The following KCNJ6 variants were observed in gnomAD, a reference collection of about 807,000 sequenced individuals.
KCNJ6 encodes the protein potassium inwardly rectifying channel subfamily J member 6, also known as G protein-activated inward rectifier potassium channel 2.
KCNJ6 carries 9 observed loss-of-function variants against 34.2 expected under a neutral mutation model. That is an observed-to-expected ratio of 0.26 (90% CI 0.16 to 0.46). KCNJ6 has a LOEUF of 0.46. Among genes scored for constraint, KCNJ6 ranks in the 20% least tolerant of loss-of-function variants. The pLI is 1.00. For missense variants in KCNJ6, 236 were observed against 531.3 expected, an observed-to-expected ratio of 0.44 and a Z score of 5.46; for synonymous variants, 196 against 207.1, an observed-to-expected ratio of 0.95 and a Z score of 0.46.
At chr21:37,864,871 CTTTT>C (rs67735635) in intron 1 of KCNJ6, among the ~76,000 whole-genome samples, 16 of 142,782 alleles carry the variant, frequency 1.1e-4, no homozygotes, top group Non-Finnish European at 1.7e-4. Flanking sequence ...GTCTCTCTCT[CTTTT>C]TTTTTTTTTT....
chr21:37,781,770 A>T (rs929171932), intron 2 of KCNJ6, among the ~76,000 whole-genome samples: 7 of 152,132 alleles, frequency 4.6e-5, no homozygotes, highest in African/African-American at 7.2e-5. Flanking sequence ...CTTTCCCTCA[A>T]CTATGTAACC....
At chr21:37,757,716 G>A (rs922862924) in intron 2 of KCNJ6, among the ~76,000 whole-genome samples, 2 of 151,890 alleles carry the variant, frequency 1.3e-5, no homozygotes, top group Non-Finnish European at 2.9e-5. Flanking sequence ...CCCGGAGTGA[G>A]CACTCCCTCA....
chr21:37,809,075 CAT>C (rs1310217077), intron 2 of KCNJ6, among the ~76,000 whole-genome samples: 5 of 152,194 alleles, frequency 3.3e-5, no homozygotes, highest in South Asian at 4.1e-4. Flanking sequence ...CACATGCACA[CAT>C]ATGTTTATTG....
At chr21:37,871,431 C>A (rs984288703) in intron 1 of KCNJ6, among the ~76,000 whole-genome samples, 2 of 152,210 alleles carry the variant, frequency 1.3e-5, no homozygotes, top group African/African-American at 4.8e-5. Context: ...AGACCCTGTA[C>A]ACCTCCCACC....
intron 2 of KCNJ6, among the ~76,000 whole-genome samples, chr21:37,819,459 G>T (rs966175220): frequency 6.6e-6 from 1 of 151,978 alleles, no homozygotes; most frequent in Non-Finnish European, 1.5e-5. Context: ...CTTGGAGATT[G>T]AAATTCCATC....
intron 1 of KCNJ6, among the ~76,000 whole-genome samples, chr21:37,867,596 AAAC>A (rs1242952159): frequency 2.0e-5 from 3 of 152,208 alleles, no homozygotes; most frequent in African/African-American, 7.2e-5. Context: ...CTGCTTCCAA[AAAC>A]AACAATTGAA....
chr21:37,653,778 G>A (rs562976355), intron 3 of KCNJ6, among the ~76,000 whole-genome samples: 1 of 152,262 alleles, frequency 6.6e-6, no homozygotes, highest in East Asian at 1.9e-4. Flanking sequence ...GATGTACTAT[G>A]TTCCATTCTT....
chr21:37,884,974 G>A (rs2055728157), intron 1 of KCNJ6, among the ~76,000 whole-genome samples: 1 of 152,200 alleles, frequency 6.6e-6, no homozygotes, highest in African/African-American at 2.4e-5. Flanking sequence ...AGAGCTTCTT[G>A]TTCTCAGAGA....
intron 3 of KCNJ6, among the ~76,000 whole-genome samples, chr21:37,628,063 A>C (rs2835846): frequency 0.41 from 62,506 of 151,966 alleles, 13,016 homozygotes; most frequent in Admixed American, 0.5. Flanking sequence ...AAGGAGGGAG[A>C]ATCTGATTTT....
intron 2 of KCNJ6, among the ~76,000 whole-genome samples, chr21:37,794,687 T>A (rs2055232651): frequency 6.6e-6 from 1 of 151,548 alleles, no homozygotes; most frequent in South Asian, 2.1e-4. Flanking sequence ...TGAGAACACT[T>A]GGACACAGGG....
chr21:37,771,555 A>G (rs2123503883), intron 2 of KCNJ6, among the ~76,000 whole-genome samples: 1 of 152,238 alleles, frequency 6.6e-6, no homozygotes, highest in South Asian at 2.1e-4. Flanking sequence ...ACTTGAGCTG[A>G]CTTTCTAGTG....
chr21:37,782,039 C>T (rs1468376762), intron 2 of KCNJ6, among the ~76,000 whole-genome samples: 1 of 152,028 alleles, frequency 6.6e-6, no homozygotes, highest in Non-Finnish European at 1.5e-5. Flanking sequence ...CCGGGATTAC[C>T]CAAGTGGGCC....
chr21:37,617,190 T>TTCCA lies in KCNJ6; in HGVS notation c.*7968_*7969insTGGA, dbSNP rs2054275203. Reference sequence around the variant, plus strand: ...CTTTTTTCCTTCCTTCCTTCCTTCCTTCCTTCCTTCCTTCCTTCCTTCCTT... The same window carrying TTCCA: ...CTTTTTTCCTTCCTTCCTTCCTTCCTTCCATCCTTCCTTCCTTCCTTCCTTCCTT... On this transcript the variant is annotated 3_prime_UTR_variant, in exon 4 of 4. Coordinates refer to ENST00000609713, the MANE Select transcript of KCNJ6 (RefSeq NM_002240.5). The TTCCA allele has an allele frequency of 7.2e-6, 1 of 139,686 alleles. No individual in the cohort carries two copies. Among genetic ancestry groups the TTCCA allele is most frequent in the Non-Finnish European group, 1.5e-5 (1 of 65,960 alleles). The allele number at this position is 139,686 out of a possible 1,614,324, so 8.7% of individuals were successfully genotyped here. A position where few individuals can be genotyped will look rare whatever the true frequency, so the allele number is the denominator to read the frequency against.
chr21:37,705,278 C>T (rs2123441401), intron 3 of KCNJ6, among the ~76,000 whole-genome samples: 1 of 152,270 alleles, frequency 6.6e-6, no homozygotes, highest in South Asian at 2.1e-4. Flanking sequence ...AAGGGGCAGC[C>T]CTGAGACTGC....
At chr21:37,649,920 A>ATTTTTTT (rs10597774) in intron 3 of KCNJ6, among the ~76,000 whole-genome samples, 79 of 143,970 alleles carry the variant, frequency 5.5e-4, no homozygotes, top group East Asian at 2.4e-3. Flanking sequence ...CACCCAGCTA[A>ATTTTTTT]TTTTTTTTTT....
At chr21:37,858,505 A>G (rs2055577000) in intron 1 of KCNJ6, among the ~76,000 whole-genome samples, 1 of 151,898 alleles carries the variant, frequency 6.6e-6, no homozygotes, top group South Asian at 2.1e-4. Flanking sequence ...ACTGATATAT[A>G]TCCTAATATA....
chr21:37,654,663 C>T (rs2054449520), intron 3 of KCNJ6, among the ~76,000 whole-genome samples: 1 of 152,152 alleles, frequency 6.6e-6, no homozygotes, highest in Admixed American at 6.5e-5. Flanking sequence ...AAGCAGCAGG[C>T]AGGGGTGGTT....
intron 2 of KCNJ6, among the ~76,000 whole-genome samples, chr21:37,731,125 GTGTT>G (rs1029966035): frequency 1.3e-5 from 2 of 150,048 alleles, no homozygotes; most frequent in African/African-American, 5.0e-5. Flanking sequence ...GTGTGTGTGT[GTGTT>G]TGTGTGCCTG....
chr21:37,808,672 C>T (rs144296658), intron 2 of KCNJ6, among the ~76,000 whole-genome samples: 3 of 152,174 alleles, frequency 2.0e-5, no homozygotes, highest in South Asian at 2.1e-4. Context: ...TTCCATTCTC[C>T]GGTCTTATGG....
Sources: allele counts gnomAD v4.1 joint callset (sites outside exome capture counted in the v4.1 genomes callset), GRCh38; gene constraint gnomAD v4.1.1; transcripts MANE v1.5; gene names NCBI Gene and HGNC (gene_info 2026-07-23, HGNC 2026-07-21).